Variants in TG observed in about 807,000 individuals in gnomAD.
The protein encoded by TG is thyroid hormones.
A neutral mutation model predicts 324.7 loss-of-function variants in TG; 270 were observed. The observed-to-expected ratio is 0.83, with a 90% CI of 0.75 to 0.92. The LOEUF (loss-of-function observed/expected upper bound fraction) is 0.92, where lower values mean the gene tolerates loss of function less well. Ranked by LOEUF, TG falls within the 40% of genes least tolerant of loss-of-function variation. The pLI is 0.00. For synonymous variants in TG, 1,401 were observed against 1,327.0 expected (o/e 1.06, Z -1.21); for missense variants, 3,591 against 3,456.4 (o/e 1.04, Z -0.98).
intron 35 of TG, chr8:133,001,826 C>A: frequency 1.0e-6 from 1 of 985,492 alleles, no homozygotes; most frequent in Non-Finnish European, 1.2e-6. Flanking sequence ...TGAAAGGTTT[C>A]AGAATGTCAC....
intron 41 of TG, among the ~76,000 whole-genome samples, chr8:133,042,208 C>T (rs1215815162): frequency 1.3e-5 from 2 of 152,148 alleles, no homozygotes; most frequent in African/African-American, 4.8e-5. Context: ...AAAAGCAACT[C>T]ATTGCCTCTT....
In TG at chr8:132,872,230, G is replaced by A. The variant is rs566943737; in HGVS notation, c.478+679G>A. 3.9e-3 allele frequency among the ~76,000 whole-genome samples: 588 copies of A among 152,172 alleles called. 4 individuals are homozygous for A. The highest frequency in any genetic ancestry group is 0.012 in the African/African-American group (498 of 41,518). ...GCGGTGGCTCACGCCTGTAATCCCA[G>A]CACTTTGGGAGGCCGAGGCGGGCGG... On this transcript the variant is annotated intron_variant, in intron 4 of 47. Transcript: ENST00000220616.
chr8:133,065,488 G>A (rs536941561), intron 41 of TG, among the ~76,000 whole-genome samples: 21 of 152,300 alleles, frequency 1.4e-4, no homozygotes, highest in East Asian at 3.9e-4. Flanking sequence ...CAGGCCGGGC[G>A]CGGTGGCTCA....
At chr8:132,915,182 A>G (rs1031216323) in intron 20 of TG, among the ~76,000 whole-genome samples, 10 of 152,168 alleles carry the variant, frequency 6.6e-5, no homozygotes, top group Non-Finnish European at 1.3e-4. Flanking sequence ...GATGTACCAC[A>G]TGGGTCTGGA....
chr8:133,064,517 C>G (rs1042383805), intron 41 of TG, among the ~76,000 whole-genome samples: 1 of 152,140 alleles, frequency 6.6e-6, no homozygotes, highest in Non-Finnish European at 1.5e-5. Flanking sequence ...AGCTGGAAAC[C>G]TCACATCTCC....
At chr8:132,994,735 G>A (rs1222171454) in intron 35 of TG, 17 of 1,288,566 alleles carry the variant, frequency 1.3e-5, no homozygotes, top group African/African-American at 1.5e-5. Flanking sequence ...TCCGGGAGGT[G>A]AGAGGGACCC....
At chr8:132,906,409 GAGA>G (rs1273286278) in intron 16 of TG, among the ~76,000 whole-genome samples, 1 of 152,108 alleles carries the variant, frequency 6.6e-6, no homozygotes. Flanking sequence ...CTTTAGAGAT[GAGA>G]AGAAGCTCGA....
intron 29 of TG, among the ~76,000 whole-genome samples, chr8:132,963,724 G>A (rs1828101892): frequency 7.1e-6 from 1 of 140,324 alleles, no homozygotes; most frequent in South Asian, 2.3e-4. Context: ...TGGACGCACT[G>A]TAGGAATAGG....
At chr8:133,107,627 C>T (rs1460041178) in intron 43 of TG, among the ~76,000 whole-genome samples, 1 of 152,192 alleles carries the variant, frequency 6.6e-6, no homozygotes, top group Non-Finnish European at 1.5e-5. Flanking sequence ...CTTCACATTC[C>T]CTTGCACCCC....
chr8:132,896,258 G>A (rs773552749), intron 11 of TG, among the ~76,000 whole-genome samples: 6 of 152,220 alleles, frequency 3.9e-5, no homozygotes, highest in East Asian at 1.9e-4. Flanking sequence ...GTTAGGAGGC[G>A]CAGTGCCGGG....
At chr8:133,043,908 T>A (rs1838796209) in intron 41 of TG, among the ~76,000 whole-genome samples, 1 of 152,164 alleles carries the variant, frequency 6.6e-6, no homozygotes, top group Non-Finnish European at 1.5e-5. Flanking sequence ...CCCTCCAATA[T>A]GCAGAGGAAG....
At chr8:132,934,892 A>G (rs1823338200) in intron 24 of TG, among the ~76,000 whole-genome samples, 1 of 152,128 alleles carries the variant, frequency 6.6e-6, no homozygotes, top group Admixed American at 6.6e-5. Context: ...GTCTGACCTC[A>G]CCATCTCCGA....
At chr8:132,976,519 G>A (rs186731558) in intron 34 of TG, among the ~76,000 whole-genome samples, 24 of 152,256 alleles carry the variant, frequency 1.6e-4, no homozygotes, top group African/African-American at 5.5e-4. Context: ...AGGTTCCTAT[G>A]GGCCCTCTTT....
intron 7 of TG, 24 bp from the exon 8 acceptor site, chr8:132,882,790 C>T (rs756305162): frequency 6.2e-7 from 1 of 1,614,036 alleles, no homozygotes; most frequent in East Asian, 2.2e-5. Context: ...ACACTGTCTT[C>T]TTTACTGTGT....
intron 1 of TG, among the ~76,000 whole-genome samples, chr8:132,867,582 G>T (rs1839071033): frequency 6.6e-6 from 1 of 150,862 alleles, no homozygotes; most frequent in Non-Finnish European, 1.5e-5. Context: ...TCATGATGCG[G>T]TTGTGATTTC....
rs1487482638 is a variant in TG at position 132,913,117 on chromosome 8, T to A, written c.4230T>A (p.Leu1410=). 6.2e-7 allele frequency: 1 copy of A among 1,614,178 alleles called. No individual in the cohort carries two copies. Among genetic ancestry groups the A allele is most frequent in the East Asian group, 2.2e-5 (1 of 44,864 alleles). Residue 1410 remains leucine, a synonymous_variant, in exon 20 of 48, where the codon CTT becomes CTA. Coordinates refer to ENST00000220616, the MANE Select transcript of TG (RefSeq NM_003235.5). ...TGATCCAGAGTGGCTCATTCCAGCT[T>A]CATCTGGACTCCAAGACGTTCCCAG... ...TDLIQSGSFQ[L]HLDSKTFPAE...
chr8:133,070,040 A>AAAAG (rs1419661982), intron 41 of TG, among the ~76,000 whole-genome samples: 2 of 150,286 alleles, frequency 1.3e-5, no homozygotes, highest in African/African-American at 4.9e-5. Flanking sequence ...AGAAAGAAAG[A>AAAAG]AAAGAAAAGA....
intron 35 of TG, among the ~76,000 whole-genome samples, chr8:133,007,751 G>C (rs1048363100): frequency 4.0e-5 from 6 of 151,002 alleles, no homozygotes; most frequent in Non-Finnish European, 8.9e-5. Context: ...GTATTTATTA[G>C]AAATATGTCT....
intron 8 of TG, among the ~76,000 whole-genome samples, chr8:132,885,788 G>A (rs144237013): frequency 2.0e-5 from 3 of 152,184 alleles, no homozygotes; most frequent in East Asian, 3.9e-4. Context: ...TCAAGGTGTG[G>A]GCAGGGCCAT....
Sources: allele counts gnomAD v4.1 joint callset (sites outside exome capture counted in the v4.1 genomes callset), GRCh38; gene constraint gnomAD v4.1.1; transcripts MANE v1.5; gene names NCBI Gene and HGNC (gene_info 2026-07-23, HGNC 2026-07-21).